The following PCDHA12 variants were observed in gnomAD, a reference collection of about 807,000 sequenced individuals.
PCDHA12 encodes the protein protocadherin alpha-12.
Under a neutral mutation model 60.0 loss-of-function variants are expected in PCDHA12, and 44 were observed. The observed-to-expected ratio is 0.73, with a 90% confidence interval of 0.58 to 0.94. The LOEUF (loss-of-function observed/expected upper bound fraction) is 0.94. PCDHA12 is among the 40% of genes least tolerant of loss of function. PCDHA12 has a pLI of 0.00. For synonymous variants in PCDHA12, 569 were observed against 553.0 expected, an observed-to-expected ratio of 1.03 and a Z score of -0.40; for missense variants, 1,276 against 1,239.7, an observed-to-expected ratio of 1.03 and a Z score of -0.44.
chr5:140,935,952 G>C (rs1554210758), intron 1 of PCDHA12, among the ~76,000 whole-genome samples: 3 of 148,522 alleles, frequency 2.0e-5, no homozygotes, highest in Non-Finnish European at 4.4e-5. Flanking sequence ...GAGTAAAGTG[G>C]TACAATCTTG....
At chr5:140,964,954 G>A (rs140288048) in intron 1 of PCDHA12, among the ~76,000 whole-genome samples, 6 of 152,316 alleles carry the variant, frequency 3.9e-5, no homozygotes, top group Non-Finnish European at 7.4e-5. Flanking sequence ...AGTGTGCTTG[G>A]TTGGTGGAAC....
intron 1 of PCDHA12, among the ~76,000 whole-genome samples, chr5:140,878,642 A>T (rs868995118): frequency 6.6e-6 from 1 of 152,216 alleles, no homozygotes; most frequent in East Asian, 1.9e-4. Context: ...TTCTATTTCT[A>T]CAAAAATATC....
intron 1 of PCDHA12, among the ~76,000 whole-genome samples, chr5:140,898,521 AGGG>A (rs1583310812): frequency 6.6e-6 from 1 of 152,252 alleles, no homozygotes; most frequent in East Asian, 1.9e-4. Context: ...GTTATTTCTG[AGGG>A]CTCTGTTCTG....
In PCDHA12 at chr5:140,877,171, G is replaced by A. The variant is rs2056910663; in HGVS notation, c.1699G>A (p.Ala567Thr). The change falls in exon 1 of 4, where the codon GCG becomes ACG. Residue 567 changes from alanine (A) to threonine (T), a missense_variant. Coordinates refer to ENST00000398631, the MANE Select transcript of PCDHA12 (RefSeq NM_018903.4). ...DENDNAPALL[A>T]TPAGSAGGAV... ...GAACGACAACGCGCCGGCACTGCTG[G>A]CGACTCCGGCTGGCAGCGCAGGAGG... 6.2e-7 allele frequency: 1 copy of A among 1,613,742 alleles called. No individual in the cohort carries two copies. Among genetic ancestry groups the A allele is most frequent in the Non-Finnish European group, 8.5e-7 (1 of 1,179,852 alleles).
At chr5:140,941,214 C>CCTTCCTTTCTTTCTTTCTTT (rs1554214040) in intron 1 of PCDHA12, among the ~76,000 whole-genome samples, 29 of 122,492 alleles carry the variant, frequency 2.4e-4, no homozygotes, top group South Asian at 5.9e-4. Flanking sequence ...TTTCTTTCTT[C>CCTTCCTTTCTTTCTTTCTTT]CTTTCTTTCT....
At chr5:140,966,922 G>C (rs782206344) in intron 1 of PCDHA12, 7 of 1,602,954 alleles carry the variant, frequency 4.4e-6, no homozygotes, top group Non-Finnish European at 5.9e-6. Context: ...CAGAGGAGCA[G>C]GCACCCGGCG....
intron 1 of PCDHA12, among the ~76,000 whole-genome samples, chr5:140,973,993 G>T (rs1554235720): frequency 6.6e-6 from 1 of 152,122 alleles, no homozygotes. Flanking sequence ...ACTTCACCTG[G>T]ATCAATGTTT....
intron 1 of PCDHA12, chr5:140,929,452 T>C: frequency 1.5e-6 from 2 of 1,366,592 alleles, no homozygotes; most frequent in Non-Finnish European, 2.0e-6. Context: ...TTCTTAGCAC[T>C]TCCTGTGCCA....
At chr5:140,900,807 A>G (rs868976984) in intron 1 of PCDHA12, among the ~76,000 whole-genome samples, 1 of 152,176 alleles carries the variant, frequency 6.6e-6, no homozygotes, top group South Asian at 2.1e-4. Flanking sequence ...TAGTGCTTGT[A>G]CTAATTTACA....
rs552517946 is a variant in PCDHA12 at position 140,913,359 on chromosome 5, A to G, written c.2367+35520A>G. Reference sequence around the variant, plus strand: ...TTTATCCATTTCCTCTAGATTTTTAAATTTATTGGCATATAGTGGCTCATC... The same window carrying G: ...TTTATCCATTTCCTCTAGATTTTTAGATTTATTGGCATATAGTGGCTCATC... On this transcript the variant is annotated intron_variant, in intron 1 of 3. Coordinates refer to ENST00000398631, the MANE Select transcript of PCDHA12 (RefSeq NM_018903.4). Among the ~76,000 whole-genome samples, 4 of 152,082 alleles carry G rather than the reference A, an allele frequency of 2.6e-5. No homozygotes were observed. In the East Asian group the frequency reaches 7.7e-4, roughly 29 times the overall value.
intron 1 of PCDHA12, among the ~76,000 whole-genome samples, chr5:140,954,639 T>A (rs1433862413): frequency 6.6e-6 from 1 of 152,240 alleles, no homozygotes; most frequent in East Asian, 1.9e-4. Flanking sequence ...TCTTGTAAAT[T>A]TGTTTAAGTT....
intron 1 of PCDHA12, among the ~76,000 whole-genome samples, chr5:140,900,840 T>G (rs6874218): frequency 0.33 from 49,667 of 152,016 alleles, 8,381 homozygotes; most frequent in East Asian, 0.53. Flanking sequence ...ATGTACAAAG[T>G]TTCCCTTTTT....
Position 140,877,279 on chromosome 5 carries a change from T to G in PCDHA12, c.1807T>G (p.Tyr603Asp), listed in dbSNP as rs782432213. 1.2e-6 allele frequency: 2 copies of G among 1,613,820 alleles called. No homozygotes were observed. Among genetic ancestry groups the G allele is most frequent in the Non-Finnish European group, 1.7e-6 (2 of 1,179,822 alleles). The change falls in exon 1 of 4, where the codon TAT becomes GAT. Residue 603 changes from tyrosine to aspartate, a missense_variant. By Grantham distance (160) the Tyr-to-Asp change is radical. Transcript: ENST00000398631. ...KVRAVDADSG[Y>D]NAWLSYELQP... ...GCGCGCGGTGGACGCTGACTCCGGC[T>G]ATAACGCTTGGCTGTCCTACGAGTT...
chr5:140,959,642 A>G (rs1352450996), intron 1 of PCDHA12, among the ~76,000 whole-genome samples: 7 of 152,230 alleles, frequency 4.6e-5, no homozygotes, highest in African/African-American at 1.7e-4. Flanking sequence ...GAAAAAACAC[A>G]GAAGCAAAAT....
chr5:140,997,921 G>T lies in PCDHA12; in HGVS notation c.2516-11706G>T, dbSNP rs553205382. On this transcript the variant is annotated intron_variant, in intron 3 of 3. Coordinates refer to ENST00000398631, the MANE Select transcript of PCDHA12 (RefSeq NM_018903.4). ...CAAGAAGTAGAATTACAGAATCATA[G>T]GATATAAAAATATCAAATTGGCAAA... is the stretch of plus-strand genomic sequence containing the variant. Among the ~76,000 whole-genome samples the T allele has an allele frequency of 1.1e-4, 16 of 152,200 alleles. No homozygotes were observed. The South Asian group carries it at 3.3e-3, about 32-fold the overall frequency.
chr5:140,882,262 G>A (rs907928710), intron 1 of PCDHA12: 14 of 1,605,126 alleles, frequency 8.7e-6, no homozygotes, highest in Non-Finnish European at 1.2e-5. Flanking sequence ...GGTTTTTGGA[G>A]TGTACCATGC....
intron 1 of PCDHA12, among the ~76,000 whole-genome samples, chr5:140,937,638 CATGGTGG>C (rs1563162054): frequency 2.0e-5 from 3 of 150,048 alleles, no homozygotes; most frequent in South Asian, 4.2e-4. Flanking sequence ...AAAGGCAGGG[CATGGTGG>C]CTCACGCCTG....
chr5:140,876,343 T>C lies in PCDHA12; in HGVS notation c.871T>C (p.Cys291Arg), dbSNP rs1196276310. ...IKMILPVSEK[C>R]MFSINPDTGE... ...AATGATTTTGCCAGTGAGTGAGAAA[T>C]GTATGTTTTCAATAAATCCAGACAC... is the stretch of plus-strand genomic sequence containing the variant. The change falls in exon 1 of 4, where the codon TGT becomes CGT. Residue 291 changes from cysteine to arginine, a missense_variant. Cys to Arg is a radical substitution (Grantham distance 180, BLOSUM62 -3). Transcript: ENST00000398631. 2 of 1,613,972 alleles carry C rather than the reference T, an allele frequency of 1.2e-6. No individual in the cohort carries two copies. The highest frequency in any genetic ancestry group is 1.1e-5 in the South Asian group (1 of 91,090).
At chr5:141,002,133 C>T (rs1172462824) in intron 3 of PCDHA12, among the ~76,000 whole-genome samples, 2 of 152,248 alleles carry the variant, frequency 1.3e-5, no homozygotes, top group African/African-American at 4.8e-5. Context: ...ATAGCCTTTG[C>T]CGGCTGCACT....
Sources: gnomAD v4.1 joint callset for allele counts (sites outside exome capture counted in the v4.1 genomes callset) on GRCh38, gnomAD v4.1.1 for gene constraint, MANE v1.5 for transcripts, NCBI Gene and HGNC (gene_info 2026-07-23, HGNC 2026-07-21) for gene names.